Variants in SNTG1 observed in about 807,000 individuals in gnomAD.
SNTG1 encodes syntrophin gamma 1.
Under a neutral mutation model 74.7 loss-of-function variants are expected in SNTG1, and 39 were observed. That is an observed-to-expected ratio of 0.52 (90% confidence interval 0.40 to 0.68). SNTG1 has a LOEUF of 0.68. Ranked by LOEUF, SNTG1 falls within the 30% of genes least tolerant of loss-of-function variation. SNTG1 has a pLI of 0.00. For synonymous variants in SNTG1, 254 were observed against 217.1 expected, an observed-to-expected ratio of 1.17 and a Z score of -1.49; for missense variants, 685 against 609.5, an observed-to-expected ratio of 1.12 and a Z score of -1.30.
chr8:50,370,690 C>T (rs1351903754), intron 2 of SNTG1, among the ~76,000 whole-genome samples: 1 of 152,084 alleles, frequency 6.6e-6, no homozygotes, highest in African/African-American at 2.4e-5. Context: ...CCAGAGCCAT[C>T]CCCACCTCCG....
At chr8:50,586,427 T>G (rs369118035) in intron 12 of SNTG1, among the ~76,000 whole-genome samples, 1 of 152,196 alleles carries the variant, frequency 6.6e-6, no homozygotes. Context: ...CAAAGTCTTA[T>G]GCAACTACAT....
At chr8:49,960,522 T>C (rs113083419) in intron 1 of SNTG1, among the ~76,000 whole-genome samples, 10 of 152,220 alleles carry the variant, frequency 6.6e-5, no homozygotes, top group African/African-American at 2.2e-4. Context: ...ATCTATTTCT[T>C]TGAGTGAAAG....
chr8:50,017,469 G>T (rs920053431), intron 1 of SNTG1, among the ~76,000 whole-genome samples: 5 of 151,654 alleles, frequency 3.3e-5, no homozygotes, highest in Admixed American at 2.0e-4. Context: ...AATTGAAGGT[G>T]GATATTGAAA....
chr8:50,413,451 T>A (rs1197420940), intron 4 of SNTG1, among the ~76,000 whole-genome samples: 1 of 152,218 alleles, frequency 6.6e-6, no homozygotes, highest in Non-Finnish European at 1.5e-5. Flanking sequence ...TCTATCTATT[T>A]TTTCTTTGTA....
intron 15 of SNTG1, among the ~76,000 whole-genome samples, chr8:50,671,384 G>A (rs1170339080): frequency 1.3e-5 from 2 of 151,536 alleles, no homozygotes; most frequent in Non-Finnish European, 2.9e-5. Flanking sequence ...GTGGGCGAAG[G>A]ACATGAACAG....
chr8:50,348,659 A>G (rs987547799), intron 2 of SNTG1, among the ~76,000 whole-genome samples: 15 of 152,192 alleles, frequency 9.9e-5, no homozygotes, highest in African/African-American at 3.6e-4. Flanking sequence ...TAAAACTAAT[A>G]AAGATGACTA....
intron 2 of SNTG1, among the ~76,000 whole-genome samples, chr8:50,386,454 ACAACATAC>A: frequency 3.9e-5 from 1 of 25,626 alleles, no homozygotes; most frequent in Non-Finnish European, 7.6e-5. Context: ...AGCAAGATTA[ACAACATAC>A]ACCTGTGGTA....
intron 9 of SNTG1, among the ~76,000 whole-genome samples, chr8:50,512,767 C>T (rs2094093432): frequency 6.6e-6 from 1 of 152,222 alleles, no homozygotes; most frequent in African/African-American, 2.4e-5. Context: ...TCAGATCCAT[C>T]AGGTCCTTTA....
chr8:50,258,507 C>T (rs1375667919), intron 2 of SNTG1, among the ~76,000 whole-genome samples: 1 of 151,866 alleles, frequency 6.6e-6, no homozygotes, highest in Non-Finnish European at 1.5e-5. Context: ...TAAAAATATT[C>T]AAACATTTAA....
At chr8:50,641,228 C>T (rs1230627617) in intron 13 of SNTG1, among the ~76,000 whole-genome samples, 1 of 152,194 alleles carries the variant, frequency 6.6e-6, no homozygotes, top group African/African-American at 2.4e-5. Context: ...CTATTCTCTC[C>T]ATTTCTTTTA....
intron 13 of SNTG1, among the ~76,000 whole-genome samples, chr8:50,643,006 C>T (rs983954254): frequency 1.3e-5 from 2 of 151,940 alleles, no homozygotes; most frequent in Non-Finnish European, 2.9e-5. Context: ...AAAATGTCAC[C>T]CTTATATGTG....
chr8:50,513,737 G>A (rs2094107078), intron 9 of SNTG1, among the ~76,000 whole-genome samples: 1 of 152,234 alleles, frequency 6.6e-6, no homozygotes, highest in Non-Finnish European at 1.5e-5. Flanking sequence ...TAATCTCCTG[G>A]TGTGCCGTTT....
chr8:50,544,051 A>G (rs907687048), intron 11 of SNTG1, among the ~76,000 whole-genome samples: 1 of 152,098 alleles, frequency 6.6e-6, no homozygotes, highest in Non-Finnish European at 1.5e-5. Flanking sequence ...AGATATACAT[A>G]TATCTCAAAT....
chr8:50,463,465 A>G (rs942776276), intron 8 of SNTG1, among the ~76,000 whole-genome samples: 34 of 152,200 alleles, frequency 2.2e-4, no homozygotes, highest in Admixed American at 1.6e-3. Context: ...TGTGTTAGGA[A>G]GCATGAAAAC....
chr8:50,394,166 C>A, intron 2 of SNTG1, 46 bp from the exon 3 acceptor site: 1 of 1,482,010 alleles, frequency 6.7e-7, no homozygotes, highest in Non-Finnish European at 9.3e-7. Context: ...TTCTCTCTTA[C>A]ATGCCATGCT....
chr8:50,230,620 C>T (rs2085568209), intron 2 of SNTG1, among the ~76,000 whole-genome samples: 1 of 151,148 alleles, frequency 6.6e-6, no homozygotes, highest in Non-Finnish European at 1.5e-5. Flanking sequence ...AAATTCTACC[C>T]AACATTTAAG....
chr8:50,404,815 TC>T (rs773357741), intron 4 of SNTG1, among the ~76,000 whole-genome samples: 1 of 152,108 alleles, frequency 6.6e-6, no homozygotes, highest in Non-Finnish European at 1.5e-5. Context: ...CTCCATGCTC[TC>T]CTCCTCTTAA....
At chr8:50,713,935 T>C (rs1304976611) in intron 17 of SNTG1, among the ~76,000 whole-genome samples, 1 of 151,992 alleles carries the variant, frequency 6.6e-6, no homozygotes, top group African/African-American at 2.4e-5. Flanking sequence ...GGCAGGCACC[T>C]GTAATCCCAG....
chr8:50,278,665 G>A (rs2088255618), intron 2 of SNTG1, among the ~76,000 whole-genome samples: 1 of 151,176 alleles, frequency 6.6e-6, no homozygotes, highest in Non-Finnish European at 1.5e-5. Context: ...TCTCAAACAT[G>A]AACTAAAGGA....
Sources: allele counts gnomAD v4.1 joint callset (sites outside exome capture counted in the v4.1 genomes callset), GRCh38; gene constraint gnomAD v4.1.1; transcripts MANE v1.5; gene names NCBI Gene and HGNC (gene_info 2026-07-23, HGNC 2026-07-21).